ANKRD26: variants seen among roughly 807,000 people sequenced by gnomAD.
The protein encoded by ANKRD26 is ankyrin repeat domain-containing protein 26.
Under a neutral mutation model 208.7 loss-of-function variants are expected in ANKRD26, and 141 were observed. The observed-to-expected ratio is 0.68, with a 90% CI of 0.59 to 0.78. The LOEUF (loss-of-function observed/expected upper bound fraction) is 0.78, where lower values mean the gene tolerates loss of function less well. Among genes scored for constraint, ANKRD26 ranks in the 30% least tolerant of loss-of-function variants. The probability of loss-of-function intolerance (pLI) is 0.00; values close to 1 mark genes in which losing one functional copy is unlikely to be tolerated. For synonymous variants in ANKRD26, 636 were observed against 660.4 expected, an observed-to-expected ratio of 0.96 and a Z score of 0.57; for missense variants, 1,889 against 1,938.7, an observed-to-expected ratio of 0.97 and a Z score of 0.48.
At chr10:27,008,530 T>C (rs1302879629) in intron 32 of ANKRD26, among the ~76,000 whole-genome samples, 1 of 152,240 alleles carries the variant, frequency 6.6e-6, no homozygotes, top group East Asian at 1.9e-4. Flanking sequence ...AGTTTCTCAC[T>C]TCTCCTAAAT....
the ANKRD26 span, among the ~76,000 whole-genome samples, chr10:26,954,870 T>C: frequency 6.6e-6 from 1 of 151,490 alleles, no homozygotes; most frequent in Non-Finnish European, 1.5e-5. Flanking sequence ...ACATAGTTTG[T>C]CTCTGCAGAG....
chr10:27,080,529 A>G, intron 6 of ANKRD26: 1 of 691,828 alleles, frequency 1.4e-6, no homozygotes, highest in South Asian at 6.5e-5. Flanking sequence ...GCCCTTAAAA[A>G]TCTTTACAGG....
chr10:27,006,980 T>C lies in ANKRD26; in HGVS notation c.4954-18A>G. On this transcript the variant is annotated intron_variant, in intron 32 of 33. Transcript: ENST00000376087. ...TGCTGCATCTGAAAAAAGTCAAATG[T>C]TATTTATAATGTTTAAGTTAGACAA... 1 of 1,577,308 alleles carries C rather than the reference T, an allele frequency of 6.3e-7. No homozygotes were observed. Among genetic ancestry groups the C allele is most frequent in the Non-Finnish European group, 8.7e-7 (1 of 1,148,190 alleles).
chr10:27,049,286 C>T (rs1242192204), intron 16 of ANKRD26, among the ~76,000 whole-genome samples: 1 of 152,096 alleles, frequency 6.6e-6, no homozygotes, highest in Non-Finnish European at 1.5e-5. Flanking sequence ...TCTTCACTAT[C>T]TACTATGAAT....
At chr10:27,040,752 G>A (rs34374169) in intron 20 of ANKRD26, among the ~76,000 whole-genome samples, 14,125 of 152,126 alleles carry the variant, frequency 0.093, 784 homozygotes, top group East Asian at 0.28. Flanking sequence ...GGAAGTGGCC[G>A]GGCGTAGTGG....
rs150151583 is a variant in ANKRD26, at chr10:27,052,979, A to G, written c.1635+341T>C. On this transcript the variant is annotated intron_variant, in intron 16 of 33. Transcript: ENST00000376087. ...CAGTGTTAAAATGTTCATAATTTCT[A>G]CTGCTTAATAATATGATTCAATATT... Among the ~76,000 whole-genome samples the G allele has an allele frequency of 6.1e-4, 93 of 152,304 alleles. 4 individuals are homozygous for G. In the East Asian group the frequency reaches 0.018, roughly 29 times the overall value.
chr10:27,046,949 T>C (rs1589277033), intron 17 of ANKRD26, among the ~76,000 whole-genome samples: 1 of 151,872 alleles, frequency 6.6e-6, no homozygotes, highest in East Asian at 1.9e-4. Context: ...GAGCACAGAT[T>C]AGGCACACGG....
At chr10:26,970,583 C>A (rs1267229881), downstream of ANKRD26, among the ~76,000 whole-genome samples, 4 of 152,182 alleles carry the variant, frequency 2.6e-5, no homozygotes, top group Non-Finnish European at 5.9e-5. Flanking sequence ...ATACAGCCTG[C>A]AGAACCATGA....
downstream of ANKRD26, among the ~76,000 whole-genome samples, chr10:27,000,416 G>C (rs2052696082): frequency 6.6e-6 from 1 of 152,014 alleles, no homozygotes; most frequent in South Asian, 2.1e-4. Flanking sequence ...CATCATTCTT[G>C]AAGTAGGAAA....
chr10:27,041,508 A>C (rs773450692), intron 20 of ANKRD26, among the ~76,000 whole-genome samples: 2 of 152,220 alleles, frequency 1.3e-5, no homozygotes, highest in African/African-American at 4.8e-5. Flanking sequence ...AAATCATAAA[A>C]GCAATATAGG....
intron 15 of ANKRD26, among the ~76,000 whole-genome samples, chr10:27,059,540 A>C (rs2054971486): frequency 6.6e-6 from 1 of 152,232 alleles, no homozygotes; most frequent in African/African-American, 2.4e-5. Flanking sequence ...ATAATTTTTA[A>C]TAGCATAAAA....
intron 15 of ANKRD26, among the ~76,000 whole-genome samples, chr10:27,056,125 G>A (rs1320727415): frequency 2.0e-5 from 3 of 152,178 alleles, no homozygotes; most frequent in Admixed American, 6.5e-5. Flanking sequence ...TTGTCCGGTT[G>A]TAGGTTACAT....
At chr10:26,993,061 T>C (rs780758670) in intron 5 of ANKRD26, among the ~76,000 whole-genome samples, 1 of 152,206 alleles carries the variant, frequency 6.6e-6, no homozygotes, top group Admixed American at 6.5e-5. Flanking sequence ...GGCCTCTGTA[T>C]GCCATATAAC....
chr10:27,006,226 C>A (rs531364187), intron 33 of ANKRD26, among the ~76,000 whole-genome samples: 1 of 152,078 alleles, frequency 6.6e-6, no homozygotes, highest in Non-Finnish European at 1.5e-5. Context: ...ATATGCCAGA[C>A]GGAAGGAAGA....
intron 15 of ANKRD26, among the ~76,000 whole-genome samples, chr10:27,059,071 C>T (rs1030370376): frequency 3.3e-5 from 5 of 151,740 alleles, no homozygotes; most frequent in African/African-American, 4.8e-5. Flanking sequence ...CCTGCCACCA[C>T]GCCTGGCTAA....
rs141748831 is a variant in ANKRD26, at chr10:27,040,170, T to G, written c.2170A>C (p.Ser724Arg). 2,725 of 1,609,176 alleles carry G rather than the reference T, an allele frequency of 1.7e-3. 8 individuals carry two copies. Among genetic ancestry groups the G allele is most frequent in the Non-Finnish European group, 1.9e-3 (2,180 of 1,176,596 alleles). The change falls in exon 21 of 34, where the codon AGC (serine) becomes CGC (arginine). Residue 724 changes from serine to arginine, a missense_variant. This residue lies in a region of ANKRD26 where 1,272 missense variants were observed against 1,273.8 expected (regional missense o/e 1.00). Coordinates refer to ENST00000376087, the MANE Select transcript of ANKRD26 (RefSeq NM_014915.3). ...GCTGCATCCTGGATTTTCAATAGGCTAACAGAATCTGTATCAGGAAGAAAA... is the reference window on the plus strand; with the variant it reads ...GCTGCATCCTGGATTTTCAATAGGCGAACAGAATCTGTATCAGGAAGAAAA... Reference protein sequence around the residue: ...QLGMECKDSVSLLKIQDAALS... With the variant: ...QLGMECKDSVRLLKIQDAALS...
At chr10:27,075,646 A>T (rs2055668391) in intron 9 of ANKRD26, among the ~76,000 whole-genome samples, 1 of 152,204 alleles carries the variant, frequency 6.6e-6, no homozygotes, top group African/African-American at 2.4e-5. Context: ...GCCACACAAT[A>T]ATAGTACAGG....
the ANKRD26 span, among the ~76,000 whole-genome samples, chr10:26,954,146 T>A: frequency 6.6e-6 from 1 of 152,204 alleles, no homozygotes. Context: ...TACATCATGG[T>A]CTTAAGTGGA....
chr10:27,010,522 G>T (rs746785877), intron 32 of ANKRD26, among the ~76,000 whole-genome samples: 6 of 152,132 alleles, frequency 3.9e-5, no homozygotes, highest in Non-Finnish European at 8.8e-5. Flanking sequence ...TTGAGACAGG[G>T]TCTCACTCTG....
Sources: allele counts gnomAD v4.1 joint callset (sites outside exome capture counted in the v4.1 genomes callset), GRCh38; gene constraint gnomAD v4.1.1; regional missense constraint gnomAD v4.1.1; transcripts MANE v1.5; gene names NCBI Gene and HGNC (gene_info 2026-07-23, HGNC 2026-07-21).